The following DCDC2C variants were observed in gnomAD, a reference collection of about 807,000 sequenced individuals.
DCDC2C encodes doublecortin domain-containing protein 2C.
DCDC2C carries 44 observed loss-of-function variants against 45.0 expected under a neutral mutation model. The ratio of observed to expected loss-of-function variants is 0.98; its 90% CI spans 0.77 to 1.26. The LOEUF (loss-of-function observed/expected upper bound fraction) is 1.26. DCDC2C is among the 50% of genes most tolerant of loss of function. The probability of loss-of-function intolerance (pLI) is 0.00; values close to 1 mark genes in which losing one functional copy is unlikely to be tolerated. For synonymous variants in DCDC2C, 187 were observed against 178.8 expected (o/e 1.05, Z -0.37); for missense variants, 447 against 468.9 (o/e 0.95, Z 0.43).
chr2:3,808,306 C>T (rs1111281), intron 10 of DCDC2C, among the ~76,000 whole-genome samples: 112,971 of 152,200 alleles, frequency 0.74, 42,424 homozygotes, highest in East Asian at 0.91. Flanking sequence ...TCTTTTCATA[C>T]GCTTATTTGC....
chr2:3,729,053 G>A (rs138264038), intron 3 of DCDC2C, among the ~76,000 whole-genome samples: 1 of 152,190 alleles, frequency 6.6e-6, no homozygotes, highest in Non-Finnish European at 1.5e-5. Context: ...ACTTAGGAAG[G>A]GATTCACTCA....
chr2:3,730,405 G>T (rs939238885), intron 3 of DCDC2C, among the ~76,000 whole-genome samples: 1 of 152,226 alleles, frequency 6.6e-6, no homozygotes, highest in Non-Finnish European at 1.5e-5. Flanking sequence ...AGCTGTGTTA[G>T]CTATTGTGTC....
chr2:3,803,802 G>A (rs150538495), intron 10 of DCDC2C, among the ~76,000 whole-genome samples: 2 of 152,288 alleles, frequency 1.3e-5, no homozygotes, highest in East Asian at 1.9e-4. Context: ...AGTGCACCAC[G>A]TCCTCCCTCT....
chr2:3,733,023 G>A lies in DCDC2C; in HGVS notation c.416+5944G>A, dbSNP rs181262033. Among the ~76,000 whole-genome samples, 29 of 152,322 alleles carry A rather than the reference G, an allele frequency of 1.9e-4. No individual in the cohort carries two copies. The East Asian group carries it at 5.4e-3, about 28-fold the overall frequency. On this transcript the variant is annotated intron_variant, in intron 3 of 10. Coordinates refer to ENST00000399143, the MANE Select transcript of DCDC2C (RefSeq NM_001287444.2). Reference sequence around the variant, plus strand: ...ATCTTTCATTAGAAATTATAGAGAGGATACCCCAAGTGGGATAGATTACTT... The same window carrying A: ...ATCTTTCATTAGAAATTATAGAGAGAATACCCCAAGTGGGATAGATTACTT...
chr2:3,827,533 G>A (rs983325972), intron 10 of DCDC2C, among the ~76,000 whole-genome samples: 2 of 152,190 alleles, frequency 1.3e-5, no homozygotes, highest in African/African-American at 4.8e-5. Flanking sequence ...TGGGGTTTCA[G>A]CTTCAAAATT....
intron 6 of DCDC2C, among the ~76,000 whole-genome samples, chr2:3,767,374 C>G (rs1268483873): frequency 6.6e-6 from 1 of 152,218 alleles, no homozygotes; most frequent in Non-Finnish European, 1.5e-5. Context: ...GCTTGTTGAA[C>G]AGCAGTTTTT....
At chr2:3,831,932 A>G (rs2198531) in intron 10 of DCDC2C, among the ~76,000 whole-genome samples, 17,026 of 152,236 alleles carry the variant, frequency 0.11, 1,057 homozygotes, top group Admixed American at 0.14. Flanking sequence ...TGCCTTCTTC[A>G]CTTTCCTCTT....
At chr2:3,708,463 G>A (rs886997084) in intron 1 of DCDC2C, 86 bp from the exon 2 acceptor site, 18 of 1,069,058 alleles carry the variant, frequency 1.7e-5, no homozygotes, top group Admixed American at 8.4e-5. Flanking sequence ...CTATTAAGCC[G>A]GAAAAGGACT....
intron 1 of DCDC2C, among the ~76,000 whole-genome samples, chr2:3,706,937 C>T (rs1668078342): frequency 2.6e-5 from 4 of 152,246 alleles, no homozygotes; most frequent in Admixed American, 2.6e-4. Flanking sequence ...GCTTCACATC[C>T]ACTCTGCGGT....
At chr2:3,765,078 A>G (rs1669977720) in intron 6 of DCDC2C, among the ~76,000 whole-genome samples, 1 of 152,218 alleles carries the variant, frequency 6.6e-6, no homozygotes, top group South Asian at 2.1e-4. Flanking sequence ...TGCATGATGT[A>G]AGAAACCTCC....
intron 10 of DCDC2C, among the ~76,000 whole-genome samples, chr2:3,838,707 G>A (rs1672141889): frequency 6.6e-6 from 1 of 152,216 alleles, no homozygotes; most frequent in Non-Finnish European, 1.5e-5. Flanking sequence ...GCGTGTGGAA[G>A]AGAAAGACAT....
chr2:3,793,448 T>G lies in DCDC2C; in HGVS notation c.1065+8348T>G, dbSNP rs374387639. On this transcript the variant is annotated intron_variant, in intron 10 of 10. Coordinates refer to ENST00000399143, the MANE Select transcript of DCDC2C (RefSeq NM_001287444.2). The stretch of plus-strand genomic sequence containing the variant: ...GTCACATACTCTGTGCACCTGCAGC[T>G]GACAAATGCGCCTGTGCCAGATGGC... 3.3e-5 allele frequency among the ~76,000 whole-genome samples: 5 copies of G among 152,200 alleles called. No homozygotes were observed. The East Asian group carries it at 5.8e-4, about 18-fold the overall frequency.
chr2:3,814,998 C>A (rs60315696), intron 10 of DCDC2C, among the ~76,000 whole-genome samples: 8,161 of 152,332 alleles, frequency 0.054, 748 homozygotes, highest in African/African-American at 0.19. Context: ...CTGGCTGCTG[C>A]CCCTACCCGA....
chr2:3,783,891 A>G (rs1206160234), intron 9 of DCDC2C, among the ~76,000 whole-genome samples: 4 of 152,264 alleles, frequency 2.6e-5, no homozygotes, highest in Non-Finnish European at 5.9e-5. Context: ...CTCTTTGGAA[A>G]ATTTCATAAA....
chr2:3,749,192 C>A (rs1669462318), intron 4 of DCDC2C, among the ~76,000 whole-genome samples: 1 of 152,136 alleles, frequency 6.6e-6, no homozygotes, highest in Middle Eastern at 3.2e-3. Flanking sequence ...TAATAATTGA[C>A]ATTTTGGTAA....
chr2:3,703,694 T>TCGCTGCCCG lies in DCDC2C; in HGVS notation c.-50_-42dup. 2 of 1,220,504 alleles carry TCGCTGCCCG rather than the reference T, an allele frequency of 1.6e-6. No homozygotes were observed. Among genetic ancestry groups the TCGCTGCCCG allele is most frequent in the Non-Finnish European group, 2.0e-6 (2 of 980,510 alleles). 75.6% of individuals were successfully genotyped at this position (1,220,504 alleles called of 1,614,324 possible). The stretch of plus-strand genomic sequence containing the variant: ...GGGCCTGGGCGCGGCTCTGCAGGCG[T>TCGCTGCCCG]CGCTGCCCGCGCTGCCGCAGCCTCT... On this transcript the variant is annotated 5_prime_UTR_variant, in exon 1 of 11. Coordinates refer to ENST00000399143, the MANE Select transcript of DCDC2C (RefSeq NM_001287444.2). The surrounding 1 kb of genome is among the most constrained non-coding windows in gnomAD (Gnocchi z 4.4).
intron 3 of DCDC2C, among the ~76,000 whole-genome samples, chr2:3,732,251 G>A (rs114948730): frequency 6.6e-6 from 1 of 152,020 alleles, no homozygotes; most frequent in African/African-American, 2.4e-5. Context: ...ATGGGCTCTT[G>A]TTCCATGATC....
At chr2:3,805,636 A>G (rs1328358584) in intron 10 of DCDC2C, among the ~76,000 whole-genome samples, 2 of 152,244 alleles carry the variant, frequency 1.3e-5, no homozygotes, top group Non-Finnish European at 2.9e-5. Flanking sequence ...TTTTAAAAGA[A>G]GTAATTAGGT....
intron 10 of DCDC2C, among the ~76,000 whole-genome samples, chr2:3,801,659 C>T (rs777089759): frequency 3.0e-4 from 45 of 152,258 alleles, no homozygotes; most frequent in Admixed American, 5.9e-4. Flanking sequence ...GCCCCTGGCC[C>T]GGAGCCCAGC....
Sources: allele counts gnomAD v4.1 joint callset (sites outside exome capture counted in the v4.1 genomes callset), GRCh38; gene constraint gnomAD v4.1.1; non-coding constraint Gnocchi (gnomAD v3.1); transcripts MANE v1.5; gene names NCBI Gene and HGNC (gene_info 2026-07-23, HGNC 2026-07-21).